The following RABGAP1L variants were observed in gnomAD, a reference collection of about 807,000 sequenced individuals.
RABGAP1L encodes rab GTPase-activating protein 1-like.
Under a neutral mutation model 137.7 loss-of-function variants are expected in RABGAP1L, and 63 were observed. The observed-to-expected ratio is 0.46, with a 90% CI of 0.37 to 0.56. The LOEUF (loss-of-function observed/expected upper bound fraction) is 0.56, where lower values mean the gene tolerates loss of function less well. Ranked by LOEUF, RABGAP1L falls within the 20% of genes least tolerant of loss-of-function variation. RABGAP1L has a pLI of 0.00. For missense variants in RABGAP1L, 1,095 were observed against 1,244.0 expected (o/e 0.88, Z 1.80); for synonymous variants, 431 against 433.7 (o/e 0.99, Z 0.08).
intron 13 of RABGAP1L, among the ~76,000 whole-genome samples, chr1:174,624,161 G>C (rs556732621): frequency 2.0e-5 from 3 of 152,130 alleles, no homozygotes; most frequent in Non-Finnish European, 4.4e-5. Flanking sequence ...GTGCTTTCCT[G>C]CTTTGGAGGG....
intron 13 of RABGAP1L, among the ~76,000 whole-genome samples, chr1:174,566,257 C>T (rs867358783): frequency 4.6e-5 from 7 of 151,990 alleles, no homozygotes; most frequent in African/African-American, 9.7e-5. Flanking sequence ...GGGTGGGAGA[C>T]GGAGAAAGAT....
intron 14 of RABGAP1L, among the ~76,000 whole-genome samples, chr1:174,682,007 A>G (rs1678098623): frequency 6.6e-6 from 1 of 152,170 alleles, no homozygotes. Context: ...CAGGCCGGGC[A>G]TGGTGGATTA....
At chr1:174,749,332 CTTTT>C (rs1011913994) in intron 17 of RABGAP1L, among the ~76,000 whole-genome samples, 2 of 147,320 alleles carry the variant, frequency 1.4e-5, no homozygotes, top group African/African-American at 5.0e-5. Flanking sequence ...TTCTTTCTTT[CTTTT>C]TGTTTGTTTT....
At chr1:174,535,409 G>A (rs1038848733) in intron 13 of RABGAP1L, among the ~76,000 whole-genome samples, 1 of 152,114 alleles carries the variant, frequency 6.6e-6, no homozygotes, top group Non-Finnish European at 1.5e-5. Flanking sequence ...CAAGAACTAC[G>A]TTATAGCCAG....
At chr1:174,532,611 C>T (rs1461795669) in intron 13 of RABGAP1L, among the ~76,000 whole-genome samples, 3 of 151,460 alleles carry the variant, frequency 2.0e-5, no homozygotes, top group Non-Finnish European at 2.9e-5. Context: ...TAGAAAACAG[C>T]AAACAAAAAA....
At chr1:174,925,833 A>G (rs1201068772) in intron 19 of RABGAP1L, among the ~76,000 whole-genome samples, 1 of 96,476 alleles carries the variant, frequency 1.0e-5, no homozygotes, top group Non-Finnish European at 2.4e-5. Context: ...TCATTTTGTT[A>G]TTTTGGTTTT....
chr1:174,342,697 G>A (rs949835855), intron 11 of RABGAP1L, among the ~76,000 whole-genome samples: 1 of 150,676 alleles, frequency 6.6e-6, no homozygotes, highest in Admixed American at 6.6e-5. Context: ...ATGTAAAATG[G>A]ACCATTCCTC....
intron 12 of RABGAP1L, among the ~76,000 whole-genome samples, chr1:174,389,342 C>G (rs930956693): frequency 6.6e-6 from 1 of 150,752 alleles, no homozygotes; most frequent in Admixed American, 6.6e-5. Flanking sequence ...ATTCTCATAT[C>G]TCATAGCCAC....
chr1:174,229,662 A>C (rs999569630), intron 3 of RABGAP1L, among the ~76,000 whole-genome samples: 4 of 152,210 alleles, frequency 2.6e-5, no homozygotes, highest in Non-Finnish European at 4.4e-5. Flanking sequence ...AAGAGGGAGT[A>C]GAGGAAAAAG....
At chr1:174,323,052 T>C (rs1680140132) in intron 11 of RABGAP1L, among the ~76,000 whole-genome samples, 1 of 152,158 alleles carries the variant, frequency 6.6e-6, no homozygotes, top group African/African-American at 2.4e-5. Flanking sequence ...TGCTACTCCA[T>C]AAGAATATAT....
chr1:174,788,659 G>A (rs1199916151), intron 18 of RABGAP1L, among the ~76,000 whole-genome samples: 2 of 152,156 alleles, frequency 1.3e-5, no homozygotes, highest in Non-Finnish European at 2.9e-5. Context: ...CCATCTTTTT[G>A]GAATTCCATT....
At chr1:174,251,206 T>A (rs944206248) in intron 6 of RABGAP1L, among the ~76,000 whole-genome samples, 8 of 152,206 alleles carry the variant, frequency 5.3e-5, no homozygotes, top group African/African-American at 1.9e-4. Flanking sequence ...ACAGTCACTT[T>A]TAACATTTGG....
intron 13 of RABGAP1L, among the ~76,000 whole-genome samples, chr1:174,458,369 C>A (rs542754137): frequency 6.6e-6 from 1 of 151,572 alleles, no homozygotes; most frequent in East Asian, 1.9e-4. Flanking sequence ...AAAAAATTTG[C>A]TGATGCCTGG....
rs1365852777 is a variant in RABGAP1L at position 174,638,810 on chromosome 1, C to A, written c.1824+1322C>A. ...AACAAAAAAGCAAACACCGCATATT[C>A]TCCCTCATAGGTGGGAATTGAACAA... On this transcript the variant is annotated intron_variant, in intron 14 of 25. Transcript: ENST00000681986. Among the ~76,000 whole-genome samples, 4 of 147,232 alleles carry A rather than the reference C, an allele frequency of 2.7e-5. No homozygotes were observed. The East Asian group carries it at 7.9e-4, about 29-fold the overall frequency.
chr1:174,507,747 G>A (rs1236113380), intron 13 of RABGAP1L, among the ~76,000 whole-genome samples: 1 of 152,142 alleles, frequency 6.6e-6, no homozygotes, highest in Non-Finnish European at 1.5e-5. Context: ...AAGTACTTCT[G>A]AGGGTCAATG....
chr1:174,922,089 A>G (rs1052357662), intron 19 of RABGAP1L: 1 of 152,134 alleles, frequency 6.6e-6, no homozygotes, highest in Admixed American at 6.5e-5. Flanking sequence ...CAGTCCTTAA[A>G]AACTCAGCTT....
intron 11 of RABGAP1L, among the ~76,000 whole-genome samples, chr1:174,362,009 C>T (rs181197776): frequency 1.3e-5 from 2 of 152,288 alleles, no homozygotes; most frequent in Admixed American, 1.3e-4. Flanking sequence ...CATTCAGCTC[C>T]CACTTACAAG....
At chr1:174,808,783 A>G (rs991479656) in intron 18 of RABGAP1L, among the ~76,000 whole-genome samples, 4 of 151,372 alleles carry the variant, frequency 2.6e-5, no homozygotes, top group Non-Finnish European at 4.4e-5. Flanking sequence ...CCTCCCAAGT[A>G]GCTGGGATTA....
At chr1:174,240,167 T>G (rs1671674044) in intron 4 of RABGAP1L, among the ~76,000 whole-genome samples, 1 of 152,202 alleles carries the variant, frequency 6.6e-6, no homozygotes, top group Non-Finnish European at 1.5e-5. Context: ...GTTTCTAAAT[T>G]TGAGATCTTG....
Sources: allele counts gnomAD v4.1 joint callset (sites outside exome capture counted in the v4.1 genomes callset), GRCh38; gene constraint gnomAD v4.1.1; transcripts MANE v1.5; gene names NCBI Gene and HGNC (gene_info 2026-07-23, HGNC 2026-07-21).